CTIF: variants seen among roughly 807,000 people sequenced by gnomAD.
CTIF encodes the protein CBP80/20-dependent translation initiation factor.
A neutral mutation model predicts 66.0 loss-of-function variants in CTIF; 21 were observed. The observed-to-expected ratio is 0.32, with a 90% confidence interval of 0.23 to 0.46. CTIF has a LOEUF of 0.46. Among genes scored for constraint, CTIF ranks in the 20% least tolerant of loss-of-function variants. The pLI is 1.00. For synonymous variants in CTIF, 345 were observed against 326.4 expected, an observed-to-expected ratio of 1.06 and a Z score of -0.62; for missense variants, 739 against 812.7, an observed-to-expected ratio of 0.91 and a Z score of 1.10.
chr18:48,747,456 C>T (rs1005274036), intron 7 of CTIF, among the ~76,000 whole-genome samples: 6 of 152,156 alleles, frequency 3.9e-5, no homozygotes, highest in South Asian at 4.1e-4. Context: ...AACAGGGTGG[C>T]GGCCCACATG....
intron 2 of CTIF, among the ~76,000 whole-genome samples, chr18:48,635,759 T>C (rs1258636072): frequency 2.0e-5 from 3 of 152,228 alleles, no homozygotes; most frequent in Admixed American, 2.0e-4. Context: ...GGAAGGGCTA[T>C]ATGACTGCTA....
intron 10 of CTIF, among the ~76,000 whole-genome samples, chr18:48,840,314 G>A (rs2068909023): frequency 6.6e-6 from 1 of 152,184 alleles, no homozygotes; most frequent in Non-Finnish European, 1.5e-5. Flanking sequence ...AGCAGAAGTG[G>A]CCCAGCGAGC....
intron 9 of CTIF, among the ~76,000 whole-genome samples, chr18:48,763,913 G>C (rs1395893243): frequency 6.6e-6 from 1 of 152,114 alleles, no homozygotes; most frequent in African/African-American, 2.4e-5. Context: ...TCCATAGTAG[G>C]TCTGTCATGA....
At chr18:48,794,004 T>G (rs935412452) in intron 9 of CTIF, among the ~76,000 whole-genome samples, 1 of 151,304 alleles carries the variant, frequency 6.6e-6, no homozygotes, top group African/African-American at 2.4e-5. Context: ...GCTTCTGCTC[T>G]ACAGATTTCA....
At chr18:48,563,445 G>T (rs1227476033) in intron 1 of CTIF, among the ~76,000 whole-genome samples, 2 of 152,146 alleles carry the variant, frequency 1.3e-5, no homozygotes, top group Non-Finnish European at 2.9e-5. Flanking sequence ...GTACAGAAGG[G>T]TCTCCTGTTC....
In CTIF at chr18:48,862,626, G is replaced by T. The variant is rs2069498807; in HGVS notation, c.*3067G>T. On this transcript the variant is annotated 3_prime_UTR_variant, in exon 12 of 12. Transcript: ENST00000256413. ...GATCGTCCTGTCCATCCATGTAAAT[G>T]TAAATGTTGGCCGAGTCGGTATTTA... 1.3e-5 allele frequency: 2 copies of T among 152,650 alleles called. No individual in the cohort carries two copies. Among genetic ancestry groups the T allele is most frequent in the African/African-American group, 4.8e-5 (2 of 41,428 alleles). 9.5% of individuals were successfully genotyped at this position (152,650 alleles called of 1,614,324 possible). A position where few individuals can be genotyped will look rare whatever the true frequency, so the allele number is the denominator to read the frequency against.
At chr18:48,768,175 C>T (rs1909754784) in intron 9 of CTIF, among the ~76,000 whole-genome samples, 1 of 152,154 alleles carries the variant, frequency 6.6e-6, no homozygotes. Context: ...AGTCATTCCC[C>T]TTTGTCAGAA....
intron 7 of CTIF, among the ~76,000 whole-genome samples, chr18:48,724,742 C>T (rs1461263722): frequency 6.6e-6 from 1 of 152,198 alleles, no homozygotes; most frequent in Non-Finnish European, 1.5e-5. Context: ...GGGCAGAGGG[C>T]CGGAGAGCAT....
chr18:48,650,610 G>A (rs576221806), intron 3 of CTIF, among the ~76,000 whole-genome samples: 40 of 152,076 alleles, frequency 2.6e-4, no homozygotes, highest in Non-Finnish European at 5.1e-4. Context: ...TTCAAATTCA[G>A]GAAATACAGA....
intron 7 of CTIF, among the ~76,000 whole-genome samples, chr18:48,757,693 G>T (rs542031959): frequency 3.0e-4 from 46 of 152,316 alleles, no homozygotes; most frequent in Non-Finnish European, 6.3e-4. Context: ...TTTAAGGAAA[G>T]AATTGGCTTT....
intron 9 of CTIF, among the ~76,000 whole-genome samples, chr18:48,799,444 A>G (rs1343222747): frequency 6.6e-6 from 1 of 151,928 alleles, no homozygotes; most frequent in Non-Finnish European, 1.5e-5. Flanking sequence ...CTTGGGTCCT[A>G]CTGGATCCCA....
At chr18:48,778,592 C>T (rs1461235367) in intron 9 of CTIF, among the ~76,000 whole-genome samples, 2 of 152,066 alleles carry the variant, frequency 1.3e-5, no homozygotes, top group East Asian at 3.9e-4. Flanking sequence ...GCCCTGGGCA[C>T]CCCATTTCTG....
At chr18:48,626,375 T>C (rs1322248793) in intron 2 of CTIF, among the ~76,000 whole-genome samples, 1 of 151,816 alleles carries the variant, frequency 6.6e-6, no homozygotes, top group African/African-American at 2.4e-5. Flanking sequence ...TTGAGATGAG[T>C]CTTGCACTAT....
intron 1 of CTIF, among the ~76,000 whole-genome samples, chr18:48,603,272 G>A (rs962633285): frequency 1.3e-5 from 2 of 150,642 alleles, no homozygotes. Context: ...ATGCAGGGCA[G>A]GTGGGTGGAC....
chr18:48,668,766 G>A (rs896706837), intron 5 of CTIF, among the ~76,000 whole-genome samples: 7 of 152,062 alleles, frequency 4.6e-5, no homozygotes, highest in Middle Eastern at 3.4e-3. Context: ...CCTGCCCCTC[G>A]CCCAAGACAG....
At chr18:48,847,324 A>AG (rs2069103693) in intron 10 of CTIF, among the ~76,000 whole-genome samples, 1 of 152,034 alleles carries the variant, frequency 6.6e-6, no homozygotes. Flanking sequence ...AAAAAAAAAA[A>AG]AAATTATGAG....
intron 7 of CTIF, chr18:48,755,679 A>G (rs1410033268): frequency 1.3e-5 from 2 of 152,258 alleles, no homozygotes; most frequent in Admixed American, 1.3e-4. Flanking sequence ...CCAGGAATGT[A>G]TATCAGAAAC....
Position 48,761,489 on chromosome 18 carries a change from A to G in CTIF, c.1171A>G (p.Thr391Ala), listed in dbSNP as rs1382921902. ...SMRNNSSDVDTKLTTFMEEAQ... is the reference protein window; with the variant it reads ...SMRNNSSDVDAKLTTFMEEAQ... ...GCGGAACAACAGCAGCGACGTGGAC[A>G]CCAAGCTCACCACCTTCATGGAGGA... The change falls in exon 9 of 12, where the codon ACC (threonine) becomes GCC (alanine). Residue 391 changes from threonine (T) to alanine (A), a missense_variant. Around this residue, in one of 2 missense-constraint regions of CTIF, gnomAD observed 210 missense variants for 292.3 expected, o/e 0.72. Transcript: ENST00000256413. The surrounding 1 kb of genome is among the most constrained non-coding windows in gnomAD (Gnocchi z 4.2). 6.2e-7 allele frequency: 1 copy of G among 1,614,102 alleles called. No individual in the cohort carries two copies. Among genetic ancestry groups the G allele is most frequent in the Non-Finnish European group, 8.5e-7 (1 of 1,180,046 alleles).
intron 6 of CTIF, among the ~76,000 whole-genome samples, chr18:48,674,588 C>T (rs368343557): frequency 6.6e-6 from 1 of 152,232 alleles, no homozygotes; most frequent in South Asian, 2.1e-4. Context: ...GGCCCCTATT[C>T]CTGGTGACTC....
Sources: gnomAD v4.1 joint callset for allele counts (sites outside exome capture counted in the v4.1 genomes callset) on GRCh38, gnomAD v4.1.1 for gene constraint, gnomAD v4.1.1 regional missense constraint, Gnocchi (gnomAD v3.1) non-coding constraint, MANE v1.5 for transcripts, NCBI Gene and HGNC (gene_info 2026-07-23, HGNC 2026-07-21) for gene names.